The following OSBPL10 variants were observed in gnomAD, a reference collection of about 807,000 sequenced individuals.
The protein encoded by OSBPL10 is oxysterol-binding protein-related protein 10.
Under a neutral mutation model 81.7 loss-of-function variants are expected in OSBPL10, and 49 were observed. The ratio of observed to expected loss-of-function variants is 0.60; its 90% CI spans 0.48 to 0.76. OSBPL10 has a LOEUF of 0.76. OSBPL10 is among the 30% of genes least tolerant of loss of function. The pLI is 0.00. For missense variants in OSBPL10, 923 were observed against 987.8 expected (o/e 0.93, Z 0.88); for synonymous variants, 419 against 383.6 (o/e 1.09, Z -1.08).
chr3:32,005,396 A>G (rs147946595), intron 2 of OSBPL10, among the ~76,000 whole-genome samples: 2 of 152,152 alleles, frequency 1.3e-5, no homozygotes, highest in East Asian at 3.9e-4. Flanking sequence ...CTACTACCAC[A>G]TTAATCTGGA....
At chr3:31,805,903 AAGTACCTGGC>A (rs1376497508) in intron 4 of OSBPL10, among the ~76,000 whole-genome samples, 5 of 151,892 alleles carry the variant, frequency 3.3e-5, no homozygotes, top group Admixed American at 3.3e-4. Flanking sequence ...ACAACTTATT[AAGTACCTGGC>A]ACTGTTCTAA....
At chr3:31,707,954 A>G (rs953392865) in intron 6 of OSBPL10, among the ~76,000 whole-genome samples, 9 of 152,088 alleles carry the variant, frequency 5.9e-5, no homozygotes, top group Non-Finnish European at 1.3e-4. Context: ...GAGAGATTGG[A>G]AGAGTAGGCA....
At chr3:31,785,894 C>T (rs147689453) in intron 4 of OSBPL10, among the ~76,000 whole-genome samples, 1 of 152,144 alleles carries the variant, frequency 6.6e-6, no homozygotes, top group African/African-American at 2.4e-5. Flanking sequence ...AGCTTCTGGG[C>T]ATAAAATGGC....
intron 2 of OSBPL10, among the ~76,000 whole-genome samples, chr3:32,026,587 C>T (rs1312028823): frequency 6.6e-6 from 1 of 152,172 alleles, no homozygotes. Context: ...CAGGATGCCT[C>T]CTACCACACA....
At chr3:31,824,859 T>C (rs931399457) in intron 4 of OSBPL10, among the ~76,000 whole-genome samples, 2 of 152,320 alleles carry the variant, frequency 1.3e-5, no homozygotes, top group African/African-American at 2.4e-5. Flanking sequence ...ATCACCATCA[T>C]AGATCTTAAG....
intron 3 of OSBPL10, among the ~76,000 whole-genome samples, chr3:31,854,537 T>C (rs552716146): frequency 6.6e-6 from 1 of 152,340 alleles, no homozygotes; most frequent in East Asian, 1.9e-4. Context: ...AAGAATGTTT[T>C]TAAAAGTGTT....
intron 2 of OSBPL10, among the ~76,000 whole-genome samples, chr3:32,037,003 A>T (rs1575090061): frequency 6.6e-6 from 1 of 152,152 alleles, no homozygotes; most frequent in African/African-American, 2.4e-5. Context: ...GTTTTACCTT[A>T]CTACCCCCAA....
At chr3:31,803,156 A>G (rs956167014) in intron 4 of OSBPL10, among the ~76,000 whole-genome samples, 6 of 152,072 alleles carry the variant, frequency 3.9e-5, no homozygotes, top group African/African-American at 1.4e-4. Context: ...TCAAAAGAAG[A>G]AGGCAACAAG....
chr3:31,879,167 T>C (rs1168712359), intron 2 of OSBPL10, among the ~76,000 whole-genome samples: 1 of 152,096 alleles, frequency 6.6e-6, no homozygotes. Flanking sequence ...CAAAGGGACA[T>C]TAACTCCATT....
At chr3:31,996,459 C>A (rs1426618990) in intron 2 of OSBPL10, among the ~76,000 whole-genome samples, 4 of 151,898 alleles carry the variant, frequency 2.6e-5, no homozygotes, top group African/African-American at 7.3e-5. Context: ...TATGAGCCAA[C>A]CTATGTGTGA....
chr3:31,886,702 G>A (rs1695746246), intron 1 of OSBPL10, among the ~76,000 whole-genome samples: 1 of 152,212 alleles, frequency 6.6e-6, no homozygotes, highest in Non-Finnish European at 1.5e-5. Flanking sequence ...AGCACTTTGG[G>A]AGGCTGAGGC....
chr3:32,014,542 G>A (rs4955123), intron 2 of OSBPL10, among the ~76,000 whole-genome samples: 63,800 of 151,900 alleles, frequency 0.42, 16,289 homozygotes, highest in Non-Finnish European at 0.59. Flanking sequence ...GCACAAGACA[G>A]GGATGCCCTC....
At position 31,795,134 on chromosome 3, in the gene OSBPL10, CTTTTTTTT is replaced by C. The variant is rs537149885; in HGVS notation, c.729+34898_729+34905del. 57 of 71,514 alleles carry C rather than the reference CTTTTTTTT, an allele frequency of 8.0e-4. 1 individual carries two copies. The highest frequency in any genetic ancestry group is 2.8e-3 in the African/African-American group (51 of 18,280). 4.4% of individuals were successfully genotyped at this position (71,514 alleles called of 1,614,324 possible). A position where few individuals can be genotyped will look rare whatever the true frequency, so the allele number is the denominator to read the frequency against. ...TACAGCTGCGAAGAATTCATAAAACCTTTTTTTTTTTTTTTTTTTTTTTTTTTGGAGAC... is the reference window on the plus strand; with the variant it reads ...TACAGCTGCGAAGAATTCATAAAACCTTTTTTTTTTTTTTTTTTTGGAGAC... On this transcript the variant is annotated intron_variant, in intron 4 of 11. Transcript: ENST00000396556.
chr3:31,672,201 TA>T (rs1700339289), intron 8 of OSBPL10, among the ~76,000 whole-genome samples: 1 of 152,048 alleles, frequency 6.6e-6, no homozygotes, highest in Non-Finnish European at 1.5e-5. Flanking sequence ...CCACATGAAC[TA>T]TCTTCTTCAG....
intron 4 of OSBPL10, among the ~76,000 whole-genome samples, chr3:31,812,816 A>AAG (rs113963524): frequency 9.3e-5 from 3 of 32,408 alleles, no homozygotes; most frequent in Middle Eastern, 0.016. Context: ...GAAAGAAAGA[A>AAG]AGAGAAAGAA....
At chr3:31,867,691 C>T (rs1454204435) in intron 3 of OSBPL10, among the ~76,000 whole-genome samples, 2 of 140,138 alleles carry the variant, frequency 1.4e-5, no homozygotes, top group Non-Finnish European at 3.0e-5. Flanking sequence ...TGCAGTGAGC[C>T]AAGATCAGGG....
chr3:31,910,169 C>G (rs531977021), intron 1 of OSBPL10, among the ~76,000 whole-genome samples: 1 of 151,886 alleles, frequency 6.6e-6, no homozygotes, highest in Admixed American at 6.6e-5. Context: ...TTAGTAGAGA[C>G]AGGGTTTCAC....
At chr3:32,073,482 C>G (rs1233937544) in intron 1 of OSBPL10, among the ~76,000 whole-genome samples, 1 of 152,208 alleles carries the variant, frequency 6.6e-6, no homozygotes, top group Non-Finnish European at 1.5e-5. Flanking sequence ...ATCAGACAGA[C>G]AGCCTGATAT....
At chr3:31,751,311 C>T (rs1242043479) in intron 4 of OSBPL10, among the ~76,000 whole-genome samples, 3 of 152,086 alleles carry the variant, frequency 2.0e-5, no homozygotes, top group African/African-American at 7.2e-5. Flanking sequence ...CACACCGCTA[C>T]ACTCCAGTCT....
Sources: gnomAD v4.1 joint callset for allele counts (sites outside exome capture counted in the v4.1 genomes callset) on GRCh38, gnomAD v4.1.1 for gene constraint, MANE v1.5 for transcripts, NCBI Gene and HGNC (gene_info 2026-07-23, HGNC 2026-07-21) for gene names.